The following HRH2 variants were observed in gnomAD, a reference collection of about 807,000 sequenced individuals.
The protein encoded by HRH2 is histamine receptor H2, also known as histamine H2 receptor.
In HRH2, 4 loss-of-function variants were observed where a neutral mutation model predicts 20.1. The observed-to-expected ratio is 0.20, with a 90% confidence interval of 0.10 to 0.45. The LOEUF is 0.45. Ranked by LOEUF, HRH2 falls within the 20% of genes least tolerant of loss-of-function variation. The pLI is 0.99. For synonymous variants in HRH2, 197 were observed against 200.7 expected (o/e 0.98, Z 0.16); for missense variants, 250 against 461.6 (o/e 0.54, Z 4.20).
In HRH2 at chr5:175,694,938, G is replaced by A. The variant is rs550848005; in HGVS notation, c.1076+10629G>A. Among the ~76,000 whole-genome samples, 26 of 152,180 alleles carry A rather than the reference G, an allele frequency of 1.7e-4. No individual in the cohort carries two copies. The East Asian group carries it at 3.9e-3, about 23-fold the overall frequency. ...CCCTGGGTGGTGGGGAACGGCTCAC[G>A]GGGGCTCTTGCAAACCTAATGCACA... On this transcript the variant is annotated intron_variant, in intron 2 of 2. Transcript: ENST00000636584.
chr5:175,664,135 A>T (rs1437263172), intron 1 of HRH2, among the ~76,000 whole-genome samples: 3 of 152,144 alleles, frequency 2.0e-5, no homozygotes, highest in African/African-American at 7.2e-5. Flanking sequence ...CTGCCACCCA[A>T]CCTCCAAGAA....
intron 2 of HRH2, among the ~76,000 whole-genome samples, chr5:175,692,196 G>A (rs1756406239): frequency 2.0e-5 from 3 of 152,252 alleles, no homozygotes; most frequent in African/African-American, 7.2e-5. Flanking sequence ...CTCTGCCCTT[G>A]TAGGGTGAAA....
At chr5:175,669,296 G>A (rs538235359) in intron 1 of HRH2, among the ~76,000 whole-genome samples, 8 of 151,656 alleles carry the variant, frequency 5.3e-5, no homozygotes, top group East Asian at 1.9e-4. Context: ...TTTTTTGTTC[G>A]TTCATGTGAA....
intron 2 of HRH2, among the ~76,000 whole-genome samples, chr5:175,700,390 C>T (rs2113557739): frequency 6.6e-6 from 1 of 152,298 alleles, no homozygotes; most frequent in Non-Finnish European, 1.5e-5. Context: ...CTACTATAAA[C>T]TTGGACAAGG....
intron 2 of HRH2, among the ~76,000 whole-genome samples, chr5:175,704,573 A>G (rs1756884780): frequency 6.6e-6 from 1 of 152,198 alleles, no homozygotes; most frequent in South Asian, 2.1e-4. Flanking sequence ...ACTTCTATTC[A>G]ACATATTACC....
At chr5:175,673,681 G>A (rs1206559491) in intron 1 of HRH2, among the ~76,000 whole-genome samples, 1 of 151,138 alleles carries the variant, frequency 6.6e-6, no homozygotes, top group Non-Finnish European at 1.5e-5. Flanking sequence ...TGTATGTTAT[G>A]TGAATTTCAC....
At chr5:175,699,455 C>T (rs1188624536) in intron 2 of HRH2, among the ~76,000 whole-genome samples, 1 of 152,214 alleles carries the variant, frequency 6.6e-6, no homozygotes, top group Non-Finnish European at 1.5e-5. Context: ...AGAGACCTGC[C>T]AGTTCCCAGG....
intron 1 of HRH2, among the ~76,000 whole-genome samples, chr5:175,680,190 T>C (rs1448763404): frequency 6.6e-6 from 1 of 152,212 alleles, no homozygotes; most frequent in Non-Finnish European, 1.5e-5. Flanking sequence ...CTTGTGCACA[T>C]ATCCTCATGA....
chr5:175,675,438 G>A (rs1755722596), intron 1 of HRH2, among the ~76,000 whole-genome samples: 2 of 152,210 alleles, frequency 1.3e-5, no homozygotes, highest in African/African-American at 4.8e-5. Flanking sequence ...GTTGGCGGGG[G>A]CCAATCACAC....
chr5:175,659,747 C>T (rs573525544), intron 1 of HRH2, among the ~76,000 whole-genome samples: 16 of 152,236 alleles, frequency 1.1e-4, no homozygotes, highest in African/African-American at 3.4e-4. Context: ...GCACCTGGCA[C>T]GTGCGCGATC....
In HRH2 at chr5:175,683,185, A is replaced by C; in HGVS notation, c.-49A>C. 1.3e-6 allele frequency: 2 copies of C among 1,574,846 alleles called. No individual in the cohort carries two copies. The highest frequency in any genetic ancestry group is 1.7e-6 in the Non-Finnish European group (2 of 1,157,500). ...ATAGTTGTCACATTGGGAGCAGAGA[A>C]GAAGCAACCAGGGGCCCTGATCAGG... On this transcript the variant is annotated 5_prime_UTR_variant, in exon 2 of 3. Transcript: ENST00000636584.
chr5:175,703,375 C>A (rs1031576898), intron 2 of HRH2, among the ~76,000 whole-genome samples: 16 of 152,004 alleles, frequency 1.1e-4, no homozygotes, highest in Non-Finnish European at 2.2e-4. Flanking sequence ...TTAAAGTAAA[C>A]GACAATGAAA....
chr5:175,699,709 G>A (rs1756731897), intron 2 of HRH2, among the ~76,000 whole-genome samples: 1 of 152,124 alleles, frequency 6.6e-6, no homozygotes, highest in Non-Finnish European at 1.5e-5. Flanking sequence ...GAGTAGCTGG[G>A]ACTACAGGCG....
rs2913219 is a variant in HRH2, at chr5:175,658,337, G to T, written c.-526+182G>T. ...CCGCTCCCTGGCTGTGCCTGACCTTGGGCAGGTGCCTCCGCCTGGCCTGCG... is the reference window on the plus strand; with the variant it reads ...CCGCTCCCTGGCTGTGCCTGACCTTTGGCAGGTGCCTCCGCCTGGCCTGCG... On this transcript the variant is annotated intron_variant, in intron 1 of 2. Coordinates refer to ENST00000636584, the MANE Select transcript of HRH2 (RefSeq NM_001367711.1). Among the ~76,000 whole-genome samples, 976 of 152,286 alleles carry T rather than the reference G, an allele frequency of 6.4e-3. 9 individuals carry two copies. Among genetic ancestry groups the T allele is most frequent in the African/African-American group, 0.022 (931 of 41,576 alleles).
chr5:175,707,504 G>C (rs10037879), intron 2 of HRH2, among the ~76,000 whole-genome samples: 29,826 of 152,218 alleles, frequency 0.2, 5,326 homozygotes, highest in African/African-American at 0.48. Context: ...TCCAGAGACA[G>C]TAAGTAAATT....
Position 175,669,365 on chromosome 5 carries a change from T to TTTC in HRH2, c.-526+11212_-526+11213insCTT, listed in dbSNP as rs1491407354. 6.1e-5 allele frequency among the ~76,000 whole-genome samples: 5 copies of TTTC among 81,878 alleles called. No individual in the cohort carries two copies. The East Asian group carries it at 1.4e-3, about 22-fold the overall frequency. The allele number at this position is 81,878 out of a possible 152,430, so 53.7% of individuals were successfully genotyped here. ...GTGCTTGTAAGAATTTCTTTCTTTC[T>TTTC]TTTTTTTTTTTTTTTTGAGACAGAG... is the stretch of plus-strand genomic sequence containing the variant. On this transcript the variant is annotated intron_variant, in intron 1 of 2. Coordinates refer to ENST00000636584, the MANE Select transcript of HRH2 (RefSeq NM_001367711.1).
intron 1 of HRH2, among the ~76,000 whole-genome samples, chr5:175,682,034 G>A (rs1755995177): frequency 6.6e-6 from 1 of 152,218 alleles, no homozygotes. Flanking sequence ...TATGACACGT[G>A]AAAATGATAT....
intron 1 of HRH2, among the ~76,000 whole-genome samples, chr5:175,680,094 C>T (rs1353550178): frequency 2.6e-5 from 4 of 152,176 alleles, no homozygotes; most frequent in African/African-American, 7.2e-5. Flanking sequence ...ACAGTTGTGC[C>T]GTGGTTCATT....
At chr5:175,699,093 G>C (rs1756708990) in intron 2 of HRH2, among the ~76,000 whole-genome samples, 1 of 151,900 alleles carries the variant, frequency 6.6e-6, no homozygotes, top group Non-Finnish European at 1.5e-5. Context: ...ATGGGCAGAG[G>C]GCTGAAGTGT....
Sources: gnomAD v4.1 joint callset for allele counts (sites outside exome capture counted in the v4.1 genomes callset) on GRCh38, gnomAD v4.1.1 for gene constraint, MANE v1.5 for transcripts, NCBI Gene and HGNC (gene_info 2026-07-23, HGNC 2026-07-21) for gene names.